The following FAM83G variants were observed in gnomAD, a reference collection of about 807,000 sequenced individuals.
FAM83G encodes protein FAM83G.
A neutral mutation model predicts 61.5 loss-of-function variants in FAM83G; 38 were observed. The ratio of observed to expected loss-of-function variants is 0.62; its 90% CI spans 0.48 to 0.81. The LOEUF (loss-of-function observed/expected upper bound fraction) is 0.81, where lower values mean the gene tolerates loss of function less well. Among genes scored for constraint, FAM83G ranks in the 30% least tolerant of loss-of-function variants. The pLI is 0.00. For missense variants in FAM83G, 989 were observed against 1,133.6 expected, an observed-to-expected ratio of 0.87 and a Z score of 1.83; for synonymous variants, 470 against 476.1, an observed-to-expected ratio of 0.99 and a Z score of 0.17.
intron 2 of FAM83G, among the ~76,000 whole-genome samples, chr17:18,998,798 A>T (rs544676120): frequency 6.6e-6 from 1 of 152,208 alleles, no homozygotes; most frequent in Non-Finnish European, 1.5e-5. Flanking sequence ...TGCGCCCCAC[A>T]AGGTGTCAAC....
intron 5 of FAM83G, among the ~76,000 whole-genome samples, chr17:18,972,361 G>A (rs904077402): frequency 8.5e-5 from 13 of 152,194 alleles, no homozygotes; most frequent in African/African-American, 2.7e-4. Flanking sequence ...CGATCACAGC[G>A]CTCACACAAG....
chr17:18,992,803 C>T (rs900153835), intron 2 of FAM83G, among the ~76,000 whole-genome samples: 5 of 152,188 alleles, frequency 3.3e-5, no homozygotes, highest in East Asian at 1.9e-4. Flanking sequence ...TGCCTGGTGC[C>T]GGGCAGGGCC....
At chr17:19,001,898 A>G (rs1418081761) in intron 2 of FAM83G, among the ~76,000 whole-genome samples, 1 of 152,136 alleles carries the variant, frequency 6.6e-6, no homozygotes, top group African/African-American at 2.4e-5. Flanking sequence ...GAACCTTGGC[A>G]CAGCAGGTCC....
chr17:19,001,324 A>G (rs1313194710), intron 2 of FAM83G, among the ~76,000 whole-genome samples: 1 of 152,206 alleles, frequency 6.6e-6, no homozygotes, highest in African/African-American at 2.4e-5. Flanking sequence ...TCTGTGCCTC[A>G]GTATCCTTGT....
At chr17:18,984,600 G>A (rs556118906) in intron 3 of FAM83G, among the ~76,000 whole-genome samples, 2 of 152,224 alleles carry the variant, frequency 1.3e-5, no homozygotes, top group African/African-American at 4.8e-5. Flanking sequence ...TTGCCCAGGG[G>A]CTGCTGGTAT....
chr17:18,983,396 G>A (rs1252395894), intron 3 of FAM83G, among the ~76,000 whole-genome samples: 1 of 152,246 alleles, frequency 6.6e-6, no homozygotes, highest in South Asian at 2.1e-4. Flanking sequence ...GCCTGTGCTG[G>A]CAGGTTAGCT....
rs778883072 is a variant in FAM83G, at chr17:19,003,931, G to A, written c.111C>T (p.Ala37=). ...YSEEQRLALE[A]LVARGRDAFY... is the part of the protein sequence containing the mutation. Reference sequence around the variant, plus strand: ...AGGCGTCCCGGCCGCGGGCCACCAGGGCCTCCAGCGCCAGCCGCTGCTCCT... The same window carrying A: ...AGGCGTCCCGGCCGCGGGCCACCAGAGCCTCCAGCGCCAGCCGCTGCTCCT... Residue 37 remains alanine (A), a synonymous_variant, in exon 2 of 6, where the codon GCC becomes GCT. Coordinates refer to ENST00000388995, the MANE Select transcript of FAM83G (RefSeq NM_001039999.3). This position sits in a 1 kb window ranked among gnomAD's most constrained non-coding sequence, Gnocchi z 4.5. 2 of 1,612,928 alleles carry A rather than the reference G, an allele frequency of 1.2e-6. No individual in the cohort carries two copies. Among genetic ancestry groups the A allele is most frequent in the Non-Finnish European group, 1.7e-6 (2 of 1,179,932 alleles).
At chr17:18,988,936 C>G (rs991985773) in intron 2 of FAM83G, among the ~76,000 whole-genome samples, 2 of 152,216 alleles carry the variant, frequency 1.3e-5, no homozygotes, top group African/African-American at 4.8e-5. Flanking sequence ...GCACCACCAA[C>G]AGGGCAGGGG....
rs1317707626 is a variant in FAM83G, at chr17:18,969,448, C to T, written c.*1911G>A. On this transcript the variant is annotated 3_prime_UTR_variant, in exon 6 of 6. Coordinates refer to ENST00000388995, the MANE Select transcript of FAM83G (RefSeq NM_001039999.3). Reference sequence around the variant, plus strand: ...GTGAGGACAGAGTCTGTGGCCATGGCGGGGCTGTCCCCACAGCGAGCCCTT... The same window carrying T: ...GTGAGGACAGAGTCTGTGGCCATGGTGGGGCTGTCCCCACAGCGAGCCCTT... 11 of 1,602,320 alleles carry T rather than the reference C, an allele frequency of 6.9e-6. No homozygotes were observed. Among genetic ancestry groups the T allele is most frequent in the African/African-American group, 1.3e-5 (1 of 74,754 alleles).
chr17:18,998,436 C>T (rs2152138925), intron 2 of FAM83G, among the ~76,000 whole-genome samples: 1 of 152,372 alleles, frequency 6.6e-6, no homozygotes, highest in Admixed American at 6.5e-5. Context: ...GAGACCCAAT[C>T]CAGGTCCAGC....
At chr17:18,999,078 G>A (rs1196318019) in intron 2 of FAM83G, among the ~76,000 whole-genome samples, 2 of 152,152 alleles carry the variant, frequency 1.3e-5, no homozygotes, top group Non-Finnish European at 2.9e-5. Flanking sequence ...AGGAGTTCGA[G>A]ACCCACCTGA....
At chr17:18,988,122 G>C in intron 3 of FAM83G, 125 bp downstream of exon 3, 1 of 1,415,984 alleles carries the variant, frequency 7.1e-7, no homozygotes, top group African/African-American at 1.4e-5. Context: ...GAGGCTCTAG[G>C]ATTACTGGAC....
intron 4 of FAM83G, 121 bp downstream of exon 4, chr17:18,979,428 C>A (rs377235480): frequency 8.0e-7 from 1 of 1,250,392 alleles, no homozygotes; most frequent in South Asian, 1.5e-5. Context: ...TCCAGCCCTG[C>A]GCACACCTCA....
At chr17:19,002,866 A>C (rs928165082) in intron 2 of FAM83G, among the ~76,000 whole-genome samples, 8 of 152,178 alleles carry the variant, frequency 5.3e-5, no homozygotes, top group African/African-American at 1.9e-4. Flanking sequence ...TTCCGGTGGC[A>C]AAATTCAGGT....
chr17:18,990,840 A>G (rs1842962226), intron 2 of FAM83G, among the ~76,000 whole-genome samples: 1 of 152,156 alleles, frequency 6.6e-6, no homozygotes, highest in South Asian at 2.1e-4. Flanking sequence ...CTGTCCATGG[A>G]GCCACAAAGG....
Position 19,003,449 on chromosome 17 carries a change from A to C in FAM83G, c.522+71T>G. 6.9e-7 allele frequency: 1 copy of C among 1,452,838 alleles called. No individual in the cohort carries two copies. The highest frequency in any genetic ancestry group is 9.1e-7 in the Non-Finnish European group (1 of 1,097,918). The allele number at this position is 1,452,838 out of a possible 1,614,324, so 90.0% of individuals were successfully genotyped here. A position where few individuals can be genotyped will look rare whatever the true frequency, so the allele number is the denominator to read the frequency against. On this transcript the variant is annotated intron_variant, in intron 2 of 5. Coordinates refer to ENST00000388995, the MANE Select transcript of FAM83G (RefSeq NM_001039999.3). The surrounding 1 kb of genome is among the most constrained non-coding windows in gnomAD (Gnocchi z 4.5). ...TGTTGGGCTCCCGTTTTGGGCTCTG[A>C]GTGAGCCTGTATTGAGAGGGGTCCG...
chr17:18,977,097 T>G, intron 5 of FAM83G: 2 of 1,471,170 alleles, frequency 1.4e-6, no homozygotes, highest in Non-Finnish European at 1.8e-6. Context: ...ATGTGAACTG[T>G]TCCCCAACCT....
In FAM83G at chr17:19,000,015, C is replaced by T. The variant is rs746430805; in HGVS notation, c.522+3505G>A. Among the ~76,000 whole-genome samples, 8 of 152,252 alleles carry T rather than the reference C, an allele frequency of 5.3e-5. No individual in the cohort carries two copies. The highest frequency in any genetic ancestry group is 1.0e-4 in the Non-Finnish European group (7 of 68,034). Reference sequence around the variant, plus strand: ...CTACATCCAGCTCTGGCTGAGGAAGCCCCAACCCAGCCCAGCCTCACGCCT... The same window carrying T: ...CTACATCCAGCTCTGGCTGAGGAAGTCCCAACCCAGCCCAGCCTCACGCCT... On this transcript the variant is annotated intron_variant, in intron 2 of 5. Transcript: ENST00000388995. This position sits in a 1 kb window ranked among gnomAD's most constrained non-coding sequence, Gnocchi z 5.2.
intron 5 of FAM83G, chr17:18,977,040 T>C: frequency 6.2e-7 from 1 of 1,601,016 alleles, no homozygotes; most frequent in South Asian, 1.1e-5. Flanking sequence ...CCCAGGGTTC[T>C]GGGACCTTGT....
Sources: gnomAD v4.1 joint callset for allele counts (sites outside exome capture counted in the v4.1 genomes callset) on GRCh38, gnomAD v4.1.1 for gene constraint, Gnocchi (gnomAD v3.1) non-coding constraint, MANE v1.5 for transcripts, NCBI Gene and HGNC (gene_info 2026-07-23, HGNC 2026-07-21) for gene names.